MTCH2: variants seen among roughly 807,000 people sequenced by gnomAD.
MTCH2 encodes the protein mitochondrial carrier 2, also known as mitochondrial carrier homolog 2.
In MTCH2, 25 loss-of-function variants were observed where a neutral mutation model predicts 50.6. That is an observed-to-expected ratio of 0.49 (90% confidence interval 0.36 to 0.69). MTCH2 has a LOEUF of 0.69. Ranked by LOEUF, MTCH2 falls within the 30% of genes least tolerant of loss-of-function variation. The pLI is 0.00. For synonymous variants in MTCH2, 106 were observed against 132.0 expected (o/e 0.80, Z 1.35); for missense variants, 273 against 384.4 (o/e 0.71, Z 2.42).
At chr11:47,625,796 C>T in intron 10 of MTCH2, 55 bp from the exon 11 acceptor site, 1 of 1,447,570 alleles carries the variant, frequency 6.9e-7, no homozygotes, top group Non-Finnish European at 9.6e-7. Context: ...CTTTATTCTC[C>T]TTTCCTTTAC....
At chr11:47,610,820 G>A in the MTCH2 span, among the ~76,000 whole-genome samples, 1 of 151,758 alleles carries the variant, frequency 6.6e-6, no homozygotes, top group Non-Finnish European at 1.5e-5. Context: ...AGAAATTGCT[G>A]CCATCCCATC....
intron 11 of MTCH2, among the ~76,000 whole-genome samples, chr11:47,625,372 G>A (rs917251157): frequency 3.4e-5 from 5 of 149,116 alleles, no homozygotes; most frequent in South Asian, 2.1e-4. Context: ...GCAGTGAGCC[G>A]AGATCATGCT....
At chr11:47,632,185 G>C (rs1453173984) in intron 5 of MTCH2, among the ~76,000 whole-genome samples, 1 of 151,880 alleles carries the variant, frequency 6.6e-6, no homozygotes, top group Non-Finnish European at 1.5e-5. Context: ...GAACAATTTT[G>C]TTTTGTGACT....
chr11:47,608,045 A>G, the MTCH2 span, among the ~76,000 whole-genome samples: 1 of 152,190 alleles, frequency 6.6e-6, no homozygotes, highest in Non-Finnish European at 1.5e-5. Flanking sequence ...TTGCAGACCC[A>G]TATCAGAATC....
At chr11:47,635,687 TTG>T in intron 3 of MTCH2, 116 bp from the exon 4 acceptor site, 25 of 1,021,918 alleles carry the variant, frequency 2.4e-5, no homozygotes, top group South Asian at 4.8e-5. Context: ...TTTAAAGTTT[TTG>T]TTTTTTTTTT....
chr11:47,605,709 T>C, the MTCH2 span, among the ~76,000 whole-genome samples: 1 of 152,206 alleles, frequency 6.6e-6, no homozygotes, highest in East Asian at 1.9e-4. Flanking sequence ...TGAATCCACC[T>C]GACTGGGCAG....
intron 11 of MTCH2, 90 bp from the exon 12 acceptor site, chr11:47,622,866 CAG>C: frequency 1.2e-6 from 1 of 834,414 alleles, no homozygotes. Flanking sequence ...TTCTGCTGCA[CAG>C]AAGATTCCCT....
At chr11:47,642,192 G>T (rs2097314880) in intron 1 of MTCH2, among the ~76,000 whole-genome samples, 187 bp downstream of exon 1, 1 of 152,142 alleles carries the variant, frequency 6.6e-6, no homozygotes, top group South Asian at 2.1e-4. Context: ...GCGAGGGCTC[G>T]GCGAGGCCCC....
chr11:47,606,681 A>T, the MTCH2 span, among the ~76,000 whole-genome samples: 1 of 152,192 alleles, frequency 6.6e-6, no homozygotes, highest in Non-Finnish European at 1.5e-5. Flanking sequence ...TATTTATCCA[A>T]TCATCCATTC....
intron 1 of MTCH2, among the ~76,000 whole-genome samples, chr11:47,640,783 C>A (rs1217073216): frequency 6.6e-6 from 1 of 150,616 alleles, no homozygotes; most frequent in Non-Finnish European, 1.5e-5. Flanking sequence ...CTTGGCAACA[C>A]ATAGATGTTG....
Position 47,631,210 on chromosome 11 carries a change from A to G in MTCH2, c.428-123T>C, listed in dbSNP as rs1052589729. 7.2e-6 allele frequency: 5 copies of G among 693,486 alleles called. No homozygotes were observed. In the African/African-American group the frequency reaches 9.0e-5, roughly 13 times the overall value. 43.0% of individuals were successfully genotyped at this position (693,486 alleles called of 1,614,324 possible). A position where few individuals can be genotyped will look rare whatever the true frequency, so the allele number is the denominator to read the frequency against. ...GATCACCTGAGGTCAGGAGTTCAAG[A>G]CTAGCCTGACCAATATGATGAAGCC... On this transcript the variant is annotated intron_variant, in intron 6 of 12. Transcript: ENST00000302503.
chr11:47,611,388 G>T, the MTCH2 span, among the ~76,000 whole-genome samples: 6 of 152,230 alleles, frequency 3.9e-5, no homozygotes, highest in Non-Finnish European at 5.9e-5. Context: ...TCTGATGCCA[G>T]AAGGGCAGGG....
At chr11:47,606,598 T>C in the MTCH2 span, among the ~76,000 whole-genome samples, 1 of 152,238 alleles carries the variant, frequency 6.6e-6, no homozygotes. Context: ...TCTTGTGCCA[T>C]ATTGCCATCT....
chr11:47,620,001 T>A (rs2097291763), intron 12 of MTCH2, among the ~76,000 whole-genome samples: 1 of 152,064 alleles, frequency 6.6e-6, no homozygotes. Flanking sequence ...TGCTTGAACC[T>A]GGGAGGTGAA....
At chr11:47,624,812 G>A (rs1009705347) in intron 11 of MTCH2, among the ~76,000 whole-genome samples, 7 of 152,126 alleles carry the variant, frequency 4.6e-5, no homozygotes, top group African/African-American at 1.7e-4. Context: ...AATAGGCCAG[G>A]TGCAGTGGCT....
rs117835560 is a variant in MTCH2 at position 47,627,274 on chromosome 11, G to A, written c.634-147C>T. 138 of 538,768 alleles carry A rather than the reference G, an allele frequency of 2.6e-4. 1 individual carries two copies. Among genetic ancestry groups the A allele is most frequent in the Non-Finnish European group, 3.9e-4 (119 of 307,404 alleles). The allele number at this position is 538,768 out of a possible 1,614,324, so 33.4% of individuals were successfully genotyped here. A position where few individuals can be genotyped will look rare whatever the true frequency, so the allele number is the denominator to read the frequency against. On this transcript the variant is annotated intron_variant, in intron 9 of 12. Coordinates refer to ENST00000302503, the MANE Select transcript of MTCH2 (RefSeq NM_014342.4). ...GGCTGAAGTGCAGTGACCTCCTGAA[G>A]CACACATCACCACGCCCAGCTAATT...
At chr11:47,633,528 T>A (rs11039318) in intron 5 of MTCH2, among the ~76,000 whole-genome samples, 54 of 21,844 alleles carry the variant, frequency 2.5e-3, no homozygotes, top group Admixed American at 6.6e-3. Context: ...ATATATATAT[T>A]TTTTTTTTTT....
intron 9 of MTCH2, among the ~76,000 whole-genome samples, chr11:47,628,413 G>A (rs2097299969): frequency 1.3e-5 from 2 of 152,172 alleles, no homozygotes; most frequent in African/African-American, 4.8e-5. Context: ...GGTATACTCT[G>A]TCACATCTTA....
intron 1 of MTCH2, among the ~76,000 whole-genome samples, chr11:47,640,508 C>T (rs2097313099): frequency 6.6e-6 from 1 of 152,070 alleles, no homozygotes; most frequent in Non-Finnish European, 1.5e-5. Flanking sequence ...CTCCATCTCC[C>T]AGGTTTAAGC....
Sources: gnomAD v4.1 joint callset for allele counts (sites outside exome capture counted in the v4.1 genomes callset) on GRCh38, gnomAD v4.1.1 for gene constraint, MANE v1.5 for transcripts, NCBI Gene and HGNC (gene_info 2026-07-23, HGNC 2026-07-21) for gene names.